Variants in NLRC5 observed in about 807,000 individuals in gnomAD.
The protein encoded by NLRC5 is NLR family CARD domain containing 5.
A neutral mutation model predicts 206.9 loss-of-function variants in NLRC5; 114 were observed. The observed-to-expected ratio is 0.55, with a 90% confidence interval of 0.47 to 0.64. The LOEUF (loss-of-function observed/expected upper bound fraction) is 0.64. Among genes scored for constraint, NLRC5 ranks in the 30% least tolerant of loss-of-function variants. The pLI is 0.00. For synonymous variants in NLRC5, 952 were observed against 962.8 expected, an observed-to-expected ratio of 0.99 and a Z score of 0.21; for missense variants, 2,008 against 2,305.5, an observed-to-expected ratio of 0.87 and a Z score of 2.64.
intron 39 of NLRC5, 88 bp from the exon 40 acceptor site, chr16:57,076,731 G>T (rs577507102): frequency 3.8e-4 from 485 of 1,268,510 alleles, no homozygotes; most frequent in Non-Finnish European, 5.2e-4. Flanking sequence ...GGCGTGTAAG[G>T]CTTTGCAAAC....
rs1473993851 is a variant in NLRC5, at chr16:57,061,713, C to T, written c.4154+12C>T. ...CTGTTCAGCCTCAGGTACCTCCTCC[C>T]CCGCTGCCTCCGGGAGGGGCCATGG... is the stretch of plus-strand genomic sequence containing the variant. On this transcript the variant is annotated intron_variant, in intron 32 of 48. Coordinates refer to ENST00000688547, the MANE Select transcript of NLRC5 (RefSeq NM_001384950.1). 1 of 1,595,946 alleles carries T rather than the reference C, an allele frequency of 6.3e-7. No individual in the cohort carries two copies. Among genetic ancestry groups the T allele is most frequent in the Non-Finnish European group, 8.5e-7 (1 of 1,173,834 alleles).
chr16:57,073,462 G>T (rs1482701836), intron 38 of NLRC5, among the ~76,000 whole-genome samples: 2 of 152,130 alleles, frequency 1.3e-5, no homozygotes, highest in African/African-American at 4.8e-5. Flanking sequence ...TTCAACTCTG[G>T]GTGGGGTAAC....
rs1308621168 is a variant in NLRC5 at position 57,071,023 on chromosome 16, G to A, written c.4667+405G>A. Among the ~76,000 whole-genome samples the A allele has an allele frequency of 5.1e-4, 42 of 81,782 alleles. 2 individuals are homozygous for A. The highest frequency in any genetic ancestry group is 1.5e-3 in the African/African-American group (41 of 27,236). 53.7% of individuals were successfully genotyped at this position (81,782 alleles called of 152,430 possible). A position where few individuals can be genotyped will look rare whatever the true frequency, so the allele number is the denominator to read the frequency against. On this transcript the variant is annotated intron_variant, in intron 38 of 48. Transcript: ENST00000688547. ...AGGGTTGTGAGTGAGTGGTGGCGTT[G>A]GTTAATGGGGAAGGGGGTGAGTGAG...
At chr16:56,999,977 A>G (rs2058063470) in intron 1 of NLRC5, among the ~76,000 whole-genome samples, 1 of 151,764 alleles carries the variant, frequency 6.6e-6, no homozygotes, top group Admixed American at 6.6e-5. Flanking sequence ...CCTGCGTTCT[A>G]CCTCCTGGGA....
rs2065514674 is a variant in NLRC5, at chr16:57,055,481, C to T, written c.3708C>T (p.Cys1236=). 3 of 1,613,940 alleles carry T rather than the reference C, an allele frequency of 1.9e-6. No individual in the cohort carries two copies. The highest frequency in any genetic ancestry group is 2.5e-6 in the Non-Finnish European group (3 of 1,179,930). The part of the protein sequence containing the change: ...SLSQEHVESL[C]WLLSKCKDLS... ...GCCAGGAGCACGTAGAGTCACTCTG[C>T]TGGTTGCTGAGCAAGTGTAAAGACC... Residue 1236 remains cysteine (C), a synonymous_variant, in exon 27 of 49, where the codon TGC becomes TGT. Coordinates refer to ENST00000688547, the MANE Select transcript of NLRC5 (RefSeq NM_001384950.1).
intron 2 of NLRC5, among the ~76,000 whole-genome samples, chr16:57,018,626 C>T (rs1259127320): frequency 6.6e-6 from 1 of 152,212 alleles, no homozygotes; most frequent in Non-Finnish European, 1.5e-5. Context: ...ACGCATAGTA[C>T]TGGCCTCAGC....
chr16:57,003,601 C>T (rs1250510498), intron 1 of NLRC5, among the ~76,000 whole-genome samples: 1 of 152,182 alleles, frequency 6.6e-6, no homozygotes, highest in Non-Finnish European at 1.5e-5. Context: ...CCCTCCCCCG[C>T]CCACTGGGGG....
rs766598032 is a variant in NLRC5, at chr16:57,040,730, G to C, written c.2939+12G>C. ...TCCCGAAGGATGAGGTACAGTGATGGCCTCCAGCCCTGTGTGTGATTCCAG... is the reference window on the plus strand; with the variant it reads ...TCCCGAAGGATGAGGTACAGTGATGCCCTCCAGCCCTGTGTGTGATTCCAG... On this transcript the variant is annotated intron_variant, in intron 17 of 48. Coordinates refer to ENST00000688547, the MANE Select transcript of NLRC5 (RefSeq NM_001384950.1). The C allele has an allele frequency of 6.8e-6, 11 of 1,613,224 alleles. No homozygotes were observed. Among genetic ancestry groups the C allele is most frequent in the Non-Finnish European group, 9.3e-6 (11 of 1,179,174 alleles).
intron 29 of NLRC5, 184 bp downstream of exon 29, chr16:57,059,245 GC>G (rs1294641491): frequency 2.0e-6 from 3 of 1,476,814 alleles, no homozygotes; most frequent in Non-Finnish European, 2.7e-6. Flanking sequence ...ATCCCCTGAT[GC>G]CCGGGTGCCA....
At chr16:57,020,337 C>A (rs1345219338) in intron 2 of NLRC5, among the ~76,000 whole-genome samples, 2 of 146,202 alleles carry the variant, frequency 1.4e-5, no homozygotes, top group East Asian at 4.2e-4. Flanking sequence ...GGTTCCCCAG[C>A]TCATCTTCCT....
chr16:57,034,396 G>A, intron 13 of NLRC5, 145 bp downstream of exon 13: 3 of 650,136 alleles, frequency 4.6e-6, no homozygotes, highest in Non-Finnish European at 8.2e-6. Flanking sequence ...TGTAACAGCT[G>A]CTACTATTCA....
At position 57,079,357 on chromosome 16, in the gene NLRC5, G is replaced by A; in HGVS notation, c.5237+65G>A. 8.3e-6 allele frequency: 13 copies of A among 1,565,600 alleles called. No homozygotes were observed. The South Asian group carries it at 1.4e-4, about 17-fold the overall frequency. ...GGCTGAGGGCAGCCCTTCTCTGACT[G>A]AGCCTAACACCTGGGGAGGCCTTTG... On this transcript the variant is annotated intron_variant, in intron 45 of 48. Coordinates refer to ENST00000688547, the MANE Select transcript of NLRC5 (RefSeq NM_001384950.1).
At position 57,031,434 on chromosome 16, in the gene NLRC5, G is replaced by T. The variant is rs770765455; in HGVS notation, c.2448G>T (p.Pro816=). 7 of 1,613,696 alleles carry T rather than the reference G, an allele frequency of 4.3e-6. No homozygotes were observed. Among genetic ancestry groups the T allele is most frequent in the East Asian group, 2.2e-5 (1 of 44,836 alleles). ...CGGACCTCATCTTCCTTCTTTCCCCGCCCACAGAGACAACTGCAGAGCTAC... is the reference window on the plus strand; with the variant it reads ...CGGACCTCATCTTCCTTCTTTCCCCTCCCACAGAGACAACTGCAGAGCTAC... ...READLIFLLS[P]PTETTAELQR... The change falls in exon 11 of 49, where the codon CCG becomes CCT. Residue 816 remains proline (P), a synonymous_variant. Coordinates refer to ENST00000688547, the MANE Select transcript of NLRC5 (RefSeq NM_001384950.1).
At position 57,026,301 on chromosome 16, in the gene NLRC5, C is replaced by T. The variant is rs9938543; in HGVS notation, c.1358C>T (p.Pro453Leu). 156,906 of 1,613,930 alleles carry T rather than the reference C, an allele frequency of 0.097. 8,484 individuals are homozygous for T. Among genetic ancestry groups the T allele is most frequent in the African/African-American group, 0.16 (12,299 of 75,020 alleles). The change falls in exon 6 of 49, where the codon CCC (proline) becomes CTC (leucine). Residue 453 changes from proline (P) to leucine (L), a missense_variant. Pro to Leu is a moderately conservative substitution (Grantham distance 98, BLOSUM62 -3). Coordinates refer to ENST00000688547, the MANE Select transcript of NLRC5 (RefSeq NM_001384950.1). ...GCCCTCAGCCCCCCTGGGCACTTGC[C>T]CACCTCGTCCCTACTGGACCTGGGG... ...VLALSPPGHL[P>L]TSSLLDLGEV...
At chr16:57,058,208 G>A (rs1597390762) in intron 28 of NLRC5, 60 bp downstream of exon 28, 3 of 1,402,202 alleles carry the variant, frequency 2.1e-6, no homozygotes, top group East Asian at 2.4e-5. Flanking sequence ...TAGGCCAAAA[G>A]CATGATGGGG....
intron 1 of NLRC5, among the ~76,000 whole-genome samples, chr16:56,993,964 T>TAAAA (rs11392865): frequency 3.6e-5 from 5 of 137,464 alleles, no homozygotes; most frequent in African/African-American, 5.4e-5. Context: ...CTGTTTTTTG[T>TAAAA]AAAAAAAAAA....
At chr16:57,048,450 ATCCGGTTTGACCCCCTGGAGTGTGGCCT>A (rs2064311868) in intron 23 of NLRC5, 1 of 152,104 alleles carries the variant, frequency 6.6e-6, no homozygotes, top group Non-Finnish European at 1.5e-5. Context: ...CAACCAGATA[ATCCGGTTTGACCCCCTGGAGTGTGGCCT>A]TCCCATGTCC....
At chr16:57,008,309 C>T (rs1198732669) in intron 1 of NLRC5, among the ~76,000 whole-genome samples, 1 of 152,132 alleles carries the variant, frequency 6.6e-6, no homozygotes, top group Non-Finnish European at 1.5e-5. Flanking sequence ...TGTCGTGAAA[C>T]ATAACACATA....
intron 21 of NLRC5, 23 bp downstream of exon 21, chr16:57,045,515 G>C (rs765927478): frequency 2.5e-6 from 4 of 1,612,002 alleles, no homozygotes; most frequent in East Asian, 4.5e-5. Context: ...CGCTCGGGGT[G>C]GGGGAGTCCC....
Sources: gnomAD v4.1 joint callset for allele counts (sites outside exome capture counted in the v4.1 genomes callset) on GRCh38, gnomAD v4.1.1 for gene constraint, MANE v1.5 for transcripts, NCBI Gene and HGNC (gene_info 2026-07-23, HGNC 2026-07-21) for gene names.